NALCN: variants seen among roughly 807,000 people sequenced by gnomAD.
NALCN encodes sodium leak channel, non-selective.
In NALCN, 111 loss-of-function variants were observed where a neutral mutation model predicts 225.3. The observed-to-expected ratio is 0.49, with a 90% confidence interval of 0.42 to 0.58. The LOEUF (loss-of-function observed/expected upper bound fraction) is 0.58. NALCN is among the 20% of genes least tolerant of loss of function. The pLI is 0.00. For synonymous variants in NALCN, 764 were observed against 769.0 expected (o/e 0.99, Z 0.11); for missense variants, 1,378 against 2,202.4 (o/e 0.63, Z 7.49).
chr13:101,221,785 G>A (rs1190695373), intron 13 of NALCN, among the ~76,000 whole-genome samples: 7 of 152,094 alleles, frequency 4.6e-5, no homozygotes, highest in South Asian at 4.2e-4. Flanking sequence ...CCAAATACCC[G>A]AGAAATGCTG....
intron 12 of NALCN, among the ~76,000 whole-genome samples, chr13:101,236,208 A>G (rs1043593828): frequency 2.0e-5 from 3 of 152,166 alleles, no homozygotes; most frequent in Non-Finnish European, 2.9e-5. Flanking sequence ...GAAAACCACA[A>G]TGAGATACCA....
chr13:101,088,064 C>A (rs1161435868), intron 30 of NALCN, among the ~76,000 whole-genome samples: 2 of 152,100 alleles, frequency 1.3e-5, no homozygotes, highest in South Asian at 2.1e-4. Context: ...CTCAAAGCAT[C>A]TCGTTAATGA....
chr13:101,358,184 G>A (rs1425721882), intron 6 of NALCN, among the ~76,000 whole-genome samples: 1 of 152,014 alleles, frequency 6.6e-6, no homozygotes, highest in East Asian at 1.9e-4. Flanking sequence ...AGACAAATGG[G>A]ATCTAATTAA....
chr13:101,338,610 T>G (rs1164116002), intron 7 of NALCN, among the ~76,000 whole-genome samples: 1 of 152,198 alleles, frequency 6.6e-6, no homozygotes, highest in Non-Finnish European at 1.5e-5. Flanking sequence ...GAATCACCAG[T>G]TCGATGGTGT....
chr13:101,400,499 A>G (rs13378872), intron 1 of NALCN, among the ~76,000 whole-genome samples: 6,976 of 151,930 alleles, frequency 0.046, 548 homozygotes, highest in African/African-American at 0.16. Flanking sequence ...AACCAAGCAC[A>G]ATGGGTGCCA....
At chr13:101,152,056 TTTTACAAAA>T (rs750878904) in intron 15 of NALCN, among the ~76,000 whole-genome samples, 14 of 152,160 alleles carry the variant, frequency 9.2e-5, no homozygotes, top group Non-Finnish European at 1.8e-4. Flanking sequence ...TTTTTCCCCG[TTTTACAAAA>T]ATATTTAATA....
chr13:101,322,091 T>C (rs2044764845), intron 7 of NALCN, among the ~76,000 whole-genome samples: 1 of 152,220 alleles, frequency 6.6e-6, no homozygotes, highest in East Asian at 1.9e-4. Context: ...TATAGGATTT[T>C]TTTCTAATGA....
intron 7 of NALCN, among the ~76,000 whole-genome samples, chr13:101,339,308 G>T (rs1408711791): frequency 6.6e-6 from 1 of 152,128 alleles, no homozygotes; most frequent in Non-Finnish European, 1.5e-5. Context: ...AATAAATTTT[G>T]CGATTTTGCA....
intron 18 of NALCN, among the ~76,000 whole-genome samples, chr13:101,120,779 A>C (rs117723788): frequency 0.012 from 1,854 of 152,318 alleles, 16 homozygotes; most frequent in South Asian, 0.03. Flanking sequence ...CATGGAAAGC[A>C]GTGGAGAGGC....
intron 18 of NALCN, among the ~76,000 whole-genome samples, chr13:101,112,481 A>T (rs1566827010): frequency 1.3e-5 from 2 of 152,220 alleles, no homozygotes; most frequent in African/African-American, 4.8e-5. Context: ...CCCTTGAGAT[A>T]GTTGATAAGT....
In NALCN at chr13:101,055,388, G is replaced by A. The variant is rs1468254746; in HGVS notation, c.5124C>T (p.Asp1708=). Residue 1708 remains aspartate, a synonymous_variant, in exon 44 of 44, where the codon GAC becomes GAT. Coordinates refer to ENST00000251127, the MANE Select transcript of NALCN (RefSeq NM_052867.4). Reference sequence around the variant, plus strand: ...TAACTTCAGAACCGCAGGAAGCCGCGTCAGTCATGGGGTTCATTTTGCACA... The same window carrying A: ...TAACTTCAGAACCGCAGGAAGCCGCATCAGTCATGGGGTTCATTTTGCACA... ...SVVCKMNPMT[D]AASCGSEVKK... is the part of the protein sequence containing the mutation. 1.7e-5 allele frequency: 27 copies of A among 1,613,974 alleles called. No homozygotes were observed. The highest frequency in any genetic ancestry group is 1.9e-5 in the Non-Finnish European group (22 of 1,180,018).
chr13:101,201,851 T>C (rs2040136082), intron 13 of NALCN, among the ~76,000 whole-genome samples: 1 of 152,316 alleles, frequency 6.6e-6, no homozygotes, highest in East Asian at 1.9e-4. Context: ...ACAAAAAAAG[T>C]TGCTTTCAAA....
chr13:101,239,243 A>T (rs1027082441), intron 11 of NALCN, among the ~76,000 whole-genome samples: 1 of 151,972 alleles, frequency 6.6e-6, no homozygotes, highest in Non-Finnish European at 1.5e-5. Context: ...AATTTATGAA[A>T]GCACTATTTC....
chr13:101,157,235 C>CAT (rs1422976913), intron 15 of NALCN, among the ~76,000 whole-genome samples: 1 of 152,120 alleles, frequency 6.6e-6, no homozygotes, highest in Non-Finnish European at 1.5e-5. Flanking sequence ...AGTTAGTACA[C>CAT]ATACATGTAT....
intron 15 of NALCN, among the ~76,000 whole-genome samples, chr13:101,175,575 T>G (rs9518333): frequency 0.25 from 37,717 of 152,016 alleles, 5,405 homozygotes; most frequent in Non-Finnish European, 0.33. Flanking sequence ...TTCTCTCAGT[T>G]TTGGGGAGGG....
At chr13:101,168,901 C>A (rs546558736) in intron 15 of NALCN, among the ~76,000 whole-genome samples, 1 of 152,158 alleles carries the variant, frequency 6.6e-6, no homozygotes, top group Non-Finnish European at 1.5e-5. Flanking sequence ...AAAGACTCTG[C>A]AGTTCCCTTG....
intron 16 of NALCN, 23 bp from the exon 17 acceptor site, chr13:101,143,244 C>A: frequency 6.3e-7 from 1 of 1,581,308 alleles, no homozygotes; most frequent in South Asian, 1.2e-5. Context: ...AGTATATGTG[C>A]ATCAGGCATT....
At chr13:101,362,339 C>T (rs932983765) in intron 6 of NALCN, among the ~76,000 whole-genome samples, 2 of 151,978 alleles carry the variant, frequency 1.3e-5, no homozygotes, top group African/African-American at 4.8e-5. Flanking sequence ...GTAAAACGTA[C>T]ATAGGCTTGG....
chr13:101,279,876 T>C (rs552001797), intron 10 of NALCN, among the ~76,000 whole-genome samples: 3 of 148,934 alleles, frequency 2.0e-5, no homozygotes, highest in Admixed American at 1.3e-4. Context: ...AATAAATAAA[T>C]AAAAAGAAGT....
Sources: gnomAD v4.1 joint callset for allele counts (sites outside exome capture counted in the v4.1 genomes callset) on GRCh38, gnomAD v4.1.1 for gene constraint, MANE v1.5 for transcripts, NCBI Gene and HGNC (gene_info 2026-07-23, HGNC 2026-07-21) for gene names.